Variants in TSPAN14 observed in about 807,000 individuals in gnomAD.
TSPAN14 encodes the protein tetraspanin 14.
Under a neutral mutation model 36.6 loss-of-function variants are expected in TSPAN14, and 16 were observed. That is an observed-to-expected ratio of 0.44 (90% CI 0.30 to 0.66). The LOEUF is 0.66. Among genes scored for constraint, TSPAN14 ranks in the 30% least tolerant of loss-of-function variants. TSPAN14 has a pLI of 0.12. For missense variants in TSPAN14, 231 were observed against 355.1 expected, an observed-to-expected ratio of 0.65 and a Z score of 2.81; for synonymous variants, 139 against 143.8, an observed-to-expected ratio of 0.97 and a Z score of 0.24.
intron 2 of TSPAN14, 28 bp downstream of exon 2, chr10:80,489,342 C>G: frequency 7.2e-7 from 1 of 1,387,480 alleles, no homozygotes. Context: ...GCCACATTCC[C>G]TTGTTTAGTC....
exon 9 of TSPAN14, chr10:80,518,146 A>G (rs1162492294): frequency 4.3e-6 from 3 of 704,068 alleles, no homozygotes; most frequent in Non-Finnish European, 7.2e-6. Flanking sequence ...GCTGAAGACC[A>G]AGGGTCCCCC....
chr10:80,456,715 A>T (rs1845749298), intron 1 of TSPAN14, among the ~76,000 whole-genome samples: 1 of 152,256 alleles, frequency 6.6e-6, no homozygotes, highest in Admixed American at 6.5e-5. Context: ...ATGTGAGTTT[A>T]TTGAGACTTA....
intron 2 of TSPAN14, among the ~76,000 whole-genome samples, chr10:80,499,827 C>T (rs930583161): frequency 7.9e-5 from 12 of 152,180 alleles, no homozygotes; most frequent in African/African-American, 2.7e-4. Context: ...CTCGCTGGTC[C>T]AGCAGAGGAG....
chr10:80,466,326 T>A (rs893473133), intron 1 of TSPAN14: 1 of 152,152 alleles, frequency 6.6e-6, no homozygotes, highest in Admixed American at 6.5e-5. Context: ...TGAATATGGT[T>A]TAGTGTAGCC....
intron 1 of TSPAN14, among the ~76,000 whole-genome samples, chr10:80,485,271 GCCTT>G (rs2132003939): frequency 6.6e-6 from 1 of 152,248 alleles, no homozygotes; most frequent in South Asian, 2.1e-4. Flanking sequence ...GCTAACTTCT[GCCTT>G]CCTTCAGTAT....
intron 2 of TSPAN14, among the ~76,000 whole-genome samples, chr10:80,498,636 ACT>A (rs1478304010): frequency 6.6e-6 from 1 of 152,012 alleles, no homozygotes; most frequent in Non-Finnish European, 1.5e-5. Flanking sequence ...AGAGAAGGAG[ACT>A]CTGTCTTCAG....
chr10:80,520,403 C>T, exon 9 of TSPAN14: 2 of 407,852 alleles, frequency 4.9e-6, no homozygotes, highest in Non-Finnish European at 9.7e-6. Flanking sequence ...CTCCGCCCAG[C>T]ATCGGCTGTC....
chr10:80,501,334 C>T (rs190901953), intron 2 of TSPAN14, among the ~76,000 whole-genome samples: 15 of 146,330 alleles, frequency 1.0e-4, no homozygotes, highest in Admixed American at 4.2e-4. Flanking sequence ...CTATGTTGCC[C>T]AGGCTGGTCT....
At chr10:80,522,253 G>C (rs895574433) in exon 9 of TSPAN14, 1 of 152,278 alleles carries the variant, frequency 6.6e-6, no homozygotes, top group African/African-American at 2.4e-5. Flanking sequence ...GCTCACGCCT[G>C]TAATCCCAGA....
intron 2 of TSPAN14, among the ~76,000 whole-genome samples, chr10:80,489,650 T>C (rs1847817700): frequency 6.6e-6 from 1 of 152,238 alleles, no homozygotes; most frequent in Admixed American, 6.5e-5. Context: ...AGGTACTTTG[T>C]GTGCATCTGA....
intron 1 of TSPAN14, among the ~76,000 whole-genome samples, chr10:80,481,305 G>A (rs1847261379): frequency 6.6e-6 from 1 of 152,110 alleles, no homozygotes. Flanking sequence ...TCTTTTTGAA[G>A]AAGAAATAGA....
exon 9 of TSPAN14, chr10:80,520,704 C>G (rs567518015): frequency 1.9e-6 from 1 of 533,510 alleles, no homozygotes; most frequent in Admixed American, 1.9e-5. Context: ...CCCTCCCTTT[C>G]TTTCCCAGGC....
chr10:80,483,910 TCAAAAAAAAAAAAAAAAA>T (rs1332166867), intron 1 of TSPAN14, among the ~76,000 whole-genome samples: 1 of 22,264 alleles, frequency 4.5e-5, no homozygotes, highest in African/African-American at 2.0e-4. Context: ...AACTCTTGTC[TCAAAAAAAAAAAAAAAAA>T]AAAAAAAAAA....
chr10:80,522,055 G>C (rs1262453257), exon 9 of TSPAN14: 1 of 152,188 alleles, frequency 6.6e-6, no homozygotes, highest in African/African-American at 2.4e-5. Context: ...CTTTTAAGTG[G>C]ATACTGTTTT....
In TSPAN14 at chr10:80,509,616, T is replaced by C; in HGVS notation, c.450+145T>C. On this transcript the variant is annotated intron_variant, in intron 5 of 8. Coordinates refer to ENST00000429989, the Ensembl canonical transcript of TSPAN14. This position sits in a 1 kb window ranked among gnomAD's most constrained non-coding sequence, Gnocchi z 4.7. ...GCAGGGAGGCCGTGGAACAAGCCAC[T>C]CCACCTCTGGTCTGTTCCACTTTGC... The C allele has an allele frequency of 1.2e-6, 1 of 809,196 alleles. No homozygotes were observed. The highest frequency in any genetic ancestry group is 2.8e-5 in the Admixed American group (1 of 35,896). 50.1% of individuals were successfully genotyped at this position (809,196 alleles called of 1,614,324 possible).
At chr10:80,465,004 T>C (rs988631046) in intron 1 of TSPAN14, among the ~76,000 whole-genome samples, 7 of 152,288 alleles carry the variant, frequency 4.6e-5, no homozygotes, top group Non-Finnish European at 8.8e-5. Flanking sequence ...AGGCCCATCA[T>C]GTGTTCTCAG....
Position 80,509,907 on chromosome 10 carries a change from C to G in TSPAN14, c.450+436C>G, listed in dbSNP as rs1237122634. ...CCCCGGGACCTTTTCCCCTTCCTCC[C>G]TGGGACCTTTTCCCCTTCCTGTTTA... On this transcript the variant is annotated intron_variant, in intron 5 of 8. Transcript: ENST00000429989. The surrounding 1 kb of genome is among the most constrained non-coding windows in gnomAD (Gnocchi z 4.7). The G allele has an allele frequency of 6.1e-6, 1 of 163,120 alleles. No homozygotes were observed. Among genetic ancestry groups the G allele is most frequent in the African/African-American group, 2.4e-5 (1 of 41,694 alleles). 10.1% of individuals were successfully genotyped at this position (163,120 alleles called of 1,614,324 possible).
chr10:80,499,258 G>A (rs960929435), intron 2 of TSPAN14, among the ~76,000 whole-genome samples: 7 of 152,154 alleles, frequency 4.6e-5, no homozygotes, highest in African/African-American at 9.7e-5. Flanking sequence ...AAGCTTGCTC[G>A]TGTGGTAAGT....
At chr10:80,518,473 C>G (rs749702482) in exon 9 of TSPAN14, 1 of 171,222 alleles carries the variant, frequency 5.8e-6, no homozygotes, top group Non-Finnish European at 1.3e-5. Context: ...GGGAGGCGGA[C>G]GTGGCCCCGC....
Sources: allele counts gnomAD v4.1 joint callset (sites outside exome capture counted in the v4.1 genomes callset), GRCh38; gene constraint gnomAD v4.1.1; non-coding constraint Gnocchi (gnomAD v3.1); transcripts MANE v1.5; gene names NCBI Gene and HGNC (gene_info 2026-07-23, HGNC 2026-07-21).